The following ROR1 variants were observed in gnomAD, a reference collection of about 807,000 sequenced individuals.
The protein encoded by ROR1 is inactive tyrosine-protein kinase transmembrane receptor ROR1.
ROR1 carries 19 observed loss-of-function variants against 78.8 expected under a neutral mutation model. That is an observed-to-expected ratio of 0.24 (90% CI 0.17 to 0.35). The LOEUF is 0.35. Among genes scored for constraint, ROR1 ranks in the 10% least tolerant of loss-of-function variants. The pLI, the probability that ROR1 is intolerant of heterozygous loss-of-function variation, is 1.00. For missense variants in ROR1, 917 were observed against 1,177.8 expected, an observed-to-expected ratio of 0.78 and a Z score of 3.24; for synonymous variants, 386 against 433.6, an observed-to-expected ratio of 0.89 and a Z score of 1.36.
At chr1:63,932,386 C>T (rs1004654560) in intron 1 of ROR1, among the ~76,000 whole-genome samples, 8 of 152,116 alleles carry the variant, frequency 5.3e-5, no homozygotes, top group African/African-American at 1.9e-4. Flanking sequence ...AAAGGCAGCA[C>T]TCAGGTCTCG....
At chr1:64,107,256 G>A (rs1382127081) in intron 4 of ROR1, among the ~76,000 whole-genome samples, 1 of 152,182 alleles carries the variant, frequency 6.6e-6, no homozygotes, top group African/African-American at 2.4e-5. Context: ...GAGAGGTTGT[G>A]TAATTTACTT....
chr1:64,096,618 C>G (rs1647309213), intron 4 of ROR1, among the ~76,000 whole-genome samples: 1 of 152,018 alleles, frequency 6.6e-6, no homozygotes, highest in African/African-American at 2.4e-5. Context: ...ATTATACATG[C>G]CACATTTTCT....
At chr1:64,083,655 C>T (rs1252923369) in intron 4 of ROR1, among the ~76,000 whole-genome samples, 2 of 150,642 alleles carry the variant, frequency 1.3e-5, no homozygotes, top group African/African-American at 2.4e-5. Context: ...AAGAGAAAAG[C>T]TACTGAGGCC....
chr1:63,959,628 C>G (rs1183807761), intron 1 of ROR1, among the ~76,000 whole-genome samples: 2 of 152,164 alleles, frequency 1.3e-5, no homozygotes, highest in African/African-American at 4.8e-5. Flanking sequence ...GTTTCTTTTT[C>G]TCAACCTCTT....
intron 1 of ROR1, among the ~76,000 whole-genome samples, chr1:63,898,950 TAATA>T (rs1405957687): frequency 6.6e-6 from 1 of 152,000 alleles, no homozygotes; most frequent in Non-Finnish European, 1.5e-5. Context: ...GAAATGAAGT[TAATA>T]AATCTCCTGG....
intron 4 of ROR1, among the ~76,000 whole-genome samples, chr1:64,085,926 C>T (rs932684096): frequency 1.3e-5 from 2 of 152,186 alleles, no homozygotes; most frequent in African/African-American, 4.8e-5. Context: ...ATCTTGTTAA[C>T]AGCAACGGGG....
chr1:63,901,262 G>A (rs577833282), intron 1 of ROR1, among the ~76,000 whole-genome samples: 4 of 152,134 alleles, frequency 2.6e-5, no homozygotes, highest in Non-Finnish European at 4.4e-5. Context: ...AAGGTTCTAC[G>A]GCCAGCAGAG....
chr1:63,785,314 TG>T, intron 1 of ROR1, among the ~76,000 whole-genome samples: 1 of 152,272 alleles, frequency 6.6e-6, no homozygotes. Flanking sequence ...GGTGATGGAC[TG>T]TATTAGCCTT....
At chr1:64,137,141 G>C (rs1452899213) in intron 4 of ROR1, among the ~76,000 whole-genome samples, 3 of 152,148 alleles carry the variant, frequency 2.0e-5, no homozygotes, top group Non-Finnish European at 4.4e-5. Flanking sequence ...CATATTTAAG[G>C]ATGATTTTGT....
At chr1:64,040,722 A>C (rs534319385) in intron 2 of ROR1, among the ~76,000 whole-genome samples, 1 of 152,128 alleles carries the variant, frequency 6.6e-6, no homozygotes, top group Non-Finnish European at 1.5e-5. Flanking sequence ...CCTGGGGTCT[A>C]TTTTATAAGG....
chr1:64,081,498 C>T (rs530520677), intron 4 of ROR1, among the ~76,000 whole-genome samples: 21 of 152,056 alleles, frequency 1.4e-4, no homozygotes, highest in African/African-American at 3.9e-4. Context: ...AGAAGCAGGC[C>T]GGGCTTGGTG....
At chr1:64,026,727 GAACGGGA>G (rs1238918467) in intron 2 of ROR1, among the ~76,000 whole-genome samples, 1 of 152,070 alleles carries the variant, frequency 6.6e-6, no homozygotes, top group Non-Finnish European at 1.5e-5. Context: ...GAGAGTGTGT[GAACGGGA>G]AACTGTCAAA....
Position 64,177,594 on chromosome 1 carries a change from C to A in ROR1, c.1553C>A (p.Thr518Lys), listed in dbSNP as rs7527017. Residue 518 changes from threonine (T) to lysine (K), a missense_variant, in exon 9 of 9, where the codon ACG becomes AAG. By Grantham distance (78) the Thr-to-Lys change is moderately conservative. Coordinates refer to ENST00000371079, the MANE Select transcript of ROR1 (RefSeq NM_005012.4). ...LKDYNNPQQW[T>K]EFQQEASLMA... Reference sequence around the variant, plus strand: ...GACTATAACAACCCCCAGCAATGGACGGAATTTCAACAAGAAGCCTCCCTA... The same window carrying A: ...GACTATAACAACCCCCAGCAATGGAAGGAATTTCAACAAGAAGCCTCCCTA... 1 of 1,613,964 alleles carries A rather than the reference C, an allele frequency of 6.2e-7. No homozygotes were observed. The highest frequency in any genetic ancestry group is 1.7e-5 in the Admixed American group (1 of 60,000).
chr1:63,812,908 A>G (rs1272911646), intron 1 of ROR1, among the ~76,000 whole-genome samples: 1 of 152,150 alleles, frequency 6.6e-6, no homozygotes, highest in African/African-American at 2.4e-5. Context: ...CTGGTAAGGC[A>G]TTGAGCACAG....
At chr1:63,889,504 C>T (rs1380708598) in intron 1 of ROR1, among the ~76,000 whole-genome samples, 1 of 152,092 alleles carries the variant, frequency 6.6e-6, no homozygotes, top group Non-Finnish European at 1.5e-5. Context: ...AGAATGAATA[C>T]CCAATGCAGA....
rs1056314032 is a variant in ROR1 at position 63,774,819 on chromosome 1, A to T, written c.91+311A>T. Among the ~76,000 whole-genome samples the T allele has an allele frequency of 3.9e-5, 6 of 151,912 alleles. No homozygotes were observed. Among genetic ancestry groups the T allele is most frequent in the African/African-American group, 1.4e-4 (6 of 41,400 alleles). ...TGAGGGTCCTGGGGGTGATCGGGGC[A>T]CTTCTGTGCAGGGCGTCCCCCCTTG... On this transcript the variant is annotated intron_variant, in intron 1 of 8. Coordinates refer to ENST00000371079, the MANE Select transcript of ROR1 (RefSeq NM_005012.4). The surrounding 1 kb of genome is among the most constrained non-coding windows in gnomAD (Gnocchi z 5.7).
At chr1:64,141,935 C>T (rs1649329356) in intron 6 of ROR1, among the ~76,000 whole-genome samples, 1 of 152,108 alleles carries the variant, frequency 6.6e-6, no homozygotes, top group Non-Finnish European at 1.5e-5. Context: ...ATAGCCCCCA[C>T]TTTTGTTAGA....
At chr1:63,881,082 T>C (rs1450059629) in intron 1 of ROR1, among the ~76,000 whole-genome samples, 1 of 152,208 alleles carries the variant, frequency 6.6e-6, no homozygotes, top group African/African-American at 2.4e-5. Flanking sequence ...AGGTAAAGAA[T>C]GGCTAATTAC....
intron 1 of ROR1, among the ~76,000 whole-genome samples, chr1:63,776,173 C>A (rs1245802308): frequency 6.6e-6 from 1 of 152,214 alleles, no homozygotes; most frequent in Non-Finnish European, 1.5e-5. Context: ...TTACTTTGTA[C>A]TTCACCTTTC....
Sources: allele counts gnomAD v4.1 joint callset (sites outside exome capture counted in the v4.1 genomes callset), GRCh38; gene constraint gnomAD v4.1.1; non-coding constraint Gnocchi (gnomAD v3.1); transcripts MANE v1.5; gene names NCBI Gene and HGNC (gene_info 2026-07-23, HGNC 2026-07-21).